The following KIF26B variants were observed in gnomAD, a reference collection of about 807,000 sequenced individuals.
The protein encoded by KIF26B is kinesin-like protein KIF26B.
Under a neutral mutation model 151.2 loss-of-function variants are expected in KIF26B, and 63 were observed. The observed-to-expected ratio is 0.42, with a 90% CI of 0.34 to 0.51. The LOEUF is 0.51. KIF26B is among the 20% of genes least tolerant of loss of function. The pLI, the probability that KIF26B is intolerant of heterozygous loss-of-function variation, is 0.07. For synonymous variants in KIF26B, 1,357 were observed against 1,262.1 expected, an observed-to-expected ratio of 1.08 and a Z score of -1.59; for missense variants, 2,813 against 2,913.6, an observed-to-expected ratio of 0.97 and a Z score of 0.79.
At chr1:245,303,255 G>A (rs1254228218) in intron 2 of KIF26B, among the ~76,000 whole-genome samples, 1 of 141,790 alleles carries the variant, frequency 7.1e-6, no homozygotes, top group Non-Finnish European at 1.5e-5. Flanking sequence ...CCGGAGTGCA[G>A]TGGCGCGATC....
chr1:245,293,116 G>A lies in KIF26B; in HGVS notation c.466-73718G>A, dbSNP rs1057082679. 5.7e-4 allele frequency among the ~76,000 whole-genome samples: 87 copies of A among 152,190 alleles called. 1 individual carries two copies. Among genetic ancestry groups the A allele is most frequent in the Non-Finnish European group, 6.5e-4 (44 of 68,030 alleles). On this transcript the variant is annotated intron_variant, in intron 2 of 14. Transcript: ENST00000407071. ...CTTTTGACTCAAGTCTTGTGTGTGT[G>A]TATGTGTGTGTGTGTTTAATCTTTC... is the stretch of plus-strand genomic sequence containing the variant.
chr1:245,619,236 C>A (rs556868211), intron 9 of KIF26B, among the ~76,000 whole-genome samples: 2 of 151,776 alleles, frequency 1.3e-5, no homozygotes, highest in African/African-American at 2.4e-5. Context: ...CTTGTCCAAG[C>A]CCTATTAGAC....
chr1:245,419,754 G>A lies in KIF26B; in HGVS notation c.1166+9G>A, dbSNP rs761089188. 5 of 1,606,540 alleles carry A rather than the reference G, an allele frequency of 3.1e-6. No homozygotes were observed. The South Asian group carries it at 5.6e-5, about 18-fold the overall frequency. On this transcript the variant is annotated intron_variant, in intron 4 of 14. Transcript: ENST00000407071. Reference sequence around the variant, plus strand: ...GCCTCCTTCTTTGCACGGTAAGAGAGCTGTTCAGATCCTTGGTTCTTTCCG... The same window carrying A: ...GCCTCCTTCTTTGCACGGTAAGAGAACTGTTCAGATCCTTGGTTCTTTCCG...
At chr1:245,429,516 G>A (rs544757005) in intron 4 of KIF26B, among the ~76,000 whole-genome samples, 3 of 152,264 alleles carry the variant, frequency 2.0e-5, no homozygotes, top group African/African-American at 7.2e-5. Flanking sequence ...TGACCCATAC[G>A]GAGAGAGAAA....
intron 5 of KIF26B, among the ~76,000 whole-genome samples, chr1:245,581,496 T>C (rs1337779095): frequency 6.6e-6 from 1 of 152,178 alleles, no homozygotes; most frequent in Non-Finnish European, 1.5e-5. Flanking sequence ...ATGGGGTCAG[T>C]TTTCTTACAG....
chr1:245,276,524 C>T (rs993826771), intron 2 of KIF26B, among the ~76,000 whole-genome samples: 6 of 152,124 alleles, frequency 3.9e-5, no homozygotes, highest in East Asian at 1.9e-4. Context: ...CTTGACCTGG[C>T]GCCCTTTCCT....
intron 2 of KIF26B, among the ~76,000 whole-genome samples, chr1:245,276,189 G>C (rs1043799389): frequency 6.6e-6 from 1 of 152,120 alleles, no homozygotes; most frequent in African/African-American, 2.4e-5. Flanking sequence ...TAAAAAATTA[G>C]CCAGGTGTGG....
Position 245,495,616 on chromosome 1 carries a change from T to C in KIF26B, c.1167-45151T>C, listed in dbSNP as rs967391641. Among the ~76,000 whole-genome samples, 4 of 152,186 alleles carry C rather than the reference T, an allele frequency of 2.6e-5. No individual in the cohort carries two copies. The highest frequency in any genetic ancestry group is 9.7e-5 in the African/African-American group (4 of 41,444). ...TCCTACATAGCTATAATTTGGTCTA[T>C]AGTTTGGTATCCATTAATGAACCTC... On this transcript the variant is annotated intron_variant, in intron 4 of 14. Transcript: ENST00000407071. The surrounding 1 kb of genome is among the most constrained non-coding windows in gnomAD (Gnocchi z 4.2).
intron 3 of KIF26B, among the ~76,000 whole-genome samples, chr1:245,398,776 A>C (rs1673922950): frequency 6.6e-6 from 1 of 151,220 alleles, no homozygotes; most frequent in African/African-American, 2.4e-5. Flanking sequence ...AATTTTTATA[A>C]AATTATAAAT....
chr1:245,525,484 A>G (rs1661219153), intron 4 of KIF26B, among the ~76,000 whole-genome samples: 1 of 152,244 alleles, frequency 6.6e-6, no homozygotes, highest in Non-Finnish European at 1.5e-5. Context: ...ATACATACAG[A>G]TAAGATGTCT....
intron 2 of KIF26B, among the ~76,000 whole-genome samples, chr1:245,157,482 C>G (rs756006260): frequency 6.6e-6 from 1 of 152,214 alleles, no homozygotes; most frequent in Non-Finnish European, 1.5e-5. Context: ...GTTGGTTCAA[C>G]GTCAATTTCT....
Position 245,216,311 on chromosome 1 carries a change from A to G in KIF26B, c.465+59628A>G, listed in dbSNP as rs1669643484. The stretch of plus-strand genomic sequence containing the variant: ...TTGCAACATCTGATGTATCTGTAAC[A>G]AAAAGAAGGGCAGGAGAAGGAGCTT... On this transcript the variant is annotated intron_variant, in intron 2 of 14. Transcript: ENST00000407071. The G allele has an allele frequency of 2.6e-5, 4 of 152,150 alleles. No individual in the cohort carries two copies. The South Asian group carries it at 8.3e-4, about 32-fold the overall frequency. The allele number at this position is 152,150 out of a possible 1,614,324, so 9.4% of individuals were successfully genotyped here. A position where few individuals can be genotyped will look rare whatever the true frequency, so the allele number is the denominator to read the frequency against.
At chr1:245,204,956 A>G (rs1341079323) in intron 2 of KIF26B, among the ~76,000 whole-genome samples, 1 of 150,824 alleles carries the variant, frequency 6.6e-6, no homozygotes, top group Non-Finnish European at 1.5e-5. Flanking sequence ...AATTTTTAAC[A>G]ATTTCTTTTT....
intron 2 of KIF26B, among the ~76,000 whole-genome samples, chr1:245,160,662 A>G (rs554230737): frequency 3.3e-5 from 5 of 152,298 alleles, no homozygotes; most frequent in Non-Finnish European, 4.4e-5. Flanking sequence ...TGTAAAAAAA[A>G]AAAAGTGCAG....
intron 4 of KIF26B, among the ~76,000 whole-genome samples, chr1:245,443,278 C>G (rs1232399195): frequency 1.3e-5 from 2 of 149,330 alleles, no homozygotes; most frequent in African/African-American, 2.5e-5. Flanking sequence ...ATCTCCCTCA[C>G]TGTTCACCCT....
At chr1:245,328,922 A>G (rs1315004523) in intron 2 of KIF26B, among the ~76,000 whole-genome samples, 1 of 152,136 alleles carries the variant, frequency 6.6e-6, no homozygotes, top group African/African-American at 2.4e-5. Flanking sequence ...GTCCACCCAC[A>G]TTCTGTGATT....
intron 5 of KIF26B, among the ~76,000 whole-genome samples, chr1:245,592,519 C>G (rs2043299713): frequency 6.6e-6 from 1 of 152,210 alleles, no homozygotes; most frequent in Non-Finnish European, 1.5e-5. Flanking sequence ...CGAGAAAAGT[C>G]TGTATAAACT....
rs13374164 is a variant in KIF26B at position 245,306,911 on chromosome 1, C to T, written c.466-59923C>T. ...GACCCCTAAACTTATCTGATTGGTA[C>T]GTGATACATTTTTATCACTGGATAG... On this transcript the variant is annotated intron_variant, in intron 2 of 14. Coordinates refer to ENST00000407071, the MANE Select transcript of KIF26B (RefSeq NM_018012.4). 2.8e-3 allele frequency among the ~76,000 whole-genome samples: 424 copies of T among 152,162 alleles called. 2 individuals are homozygous for T. Among genetic ancestry groups the T allele is most frequent in the African/African-American group, 9.3e-3 (385 of 41,482 alleles).
chr1:245,329,565 C>T (rs1040605278), intron 2 of KIF26B, among the ~76,000 whole-genome samples: 8 of 152,212 alleles, frequency 5.3e-5, no homozygotes, highest in African/African-American at 9.7e-5. Flanking sequence ...AGACCCCTCC[C>T]GTCCTGCTTC....
Sources: allele counts gnomAD v4.1 joint callset (sites outside exome capture counted in the v4.1 genomes callset), GRCh38; gene constraint gnomAD v4.1.1; non-coding constraint Gnocchi (gnomAD v3.1); transcripts MANE v1.5; gene names NCBI Gene and HGNC (gene_info 2026-07-23, HGNC 2026-07-21).